SRCAP: variants seen among roughly 807,000 people sequenced by gnomAD.
SRCAP encodes the protein chromatin remodeling protein SRCAP.
SRCAP carries 46 observed loss-of-function variants against 263.1 expected under a neutral mutation model. The ratio of observed to expected loss-of-function variants is 0.17; its 90% confidence interval spans 0.14 to 0.22. The LOEUF (loss-of-function observed/expected upper bound fraction) is 0.22, where lower values mean the gene tolerates loss of function less well. SRCAP is among the 10% of genes least tolerant of loss of function. The probability of loss-of-function intolerance (pLI) is 1.00; values close to 1 mark genes in which losing one functional copy is unlikely to be tolerated. For missense variants in SRCAP, 3,695 were observed against 4,181.9 expected (o/e 0.88, Z 3.21); for synonymous variants, 1,813 against 1,662.1 (o/e 1.09, Z -2.21).
At chr16:30,707,136 G>A in intron 4 of SRCAP, 47 bp from the exon 5 acceptor site, 1 of 1,587,292 alleles carries the variant, frequency 6.3e-7, no homozygotes, top group Non-Finnish European at 8.6e-7. Context: ...GCAGTGAGAT[G>A]GAGTGTGTGT....
intron 5 of SRCAP, 53 bp from the exon 6 acceptor site, chr16:30,707,519 G>A (rs1467342287): frequency 1.2e-6 from 2 of 1,607,498 alleles, no homozygotes; most frequent in Non-Finnish European, 1.7e-6. Context: ...CTTTGCCTTT[G>A]GGTGGGGAAG....
intron 3 of SRCAP, among the ~76,000 whole-genome samples, chr16:30,701,621 C>T (rs893788999): frequency 6.6e-6 from 1 of 150,780 alleles, no homozygotes; most frequent in Non-Finnish European, 1.5e-5. Context: ...ACTTTGTTTT[C>T]CATTTTTTTC....
In SRCAP at chr16:30,734,504, C is replaced by T. The variant is rs763905022; in HGVS notation, c.6618C>T (p.Ile2206=). The change falls in exon 31 of 34, where the codon ATC becomes ATT. Residue 2206 remains isoleucine (I), a synonymous_variant. Transcript: ENST00000262518. The part of the protein sequence containing the change: ...FTTAYFKQQT[I]RELFDMPLEE... ...TCTGTTCTATCCGATAGCAGACCAT[C>T]CGAGAGCTGTTTGATATGCCCCTGG... 5.0e-6 allele frequency: 8 copies of T among 1,613,982 alleles called. No individual in the cohort carries two copies. Among genetic ancestry groups the T allele is most frequent in the African/African-American group, 1.3e-5 (1 of 75,008 alleles).
intron 16 of SRCAP, 68 bp from the exon 17 acceptor site, chr16:30,715,998 T>C (rs2052945263): frequency 6.2e-7 from 1 of 1,603,298 alleles, no homozygotes; most frequent in African/African-American, 1.3e-5. Flanking sequence ...TAGTGTTTGC[T>C]GAGGGGCTTA....
Position 30,736,284 on chromosome 16 carries a change from A to C in SRCAP, c.6814A>C (p.Asn2272His), listed in dbSNP as rs375872512. The C allele has an allele frequency of 5.6e-6, 9 of 1,614,144 alleles. No homozygotes were observed. The highest frequency in any genetic ancestry group is 7.6e-6 in the Non-Finnish European group (9 of 1,180,024). ...AEQVAELAEF[N>H]ENDGFPAGEG... ...ACAGGTGGCTGAGCTTGCAGAATTT[A>C]ATGAGAACGATGGGTTTCCTGCTGG... is the stretch of plus-strand genomic sequence containing the variant. The change falls in exon 32 of 34, where the codon AAT becomes CAT. Residue 2272 changes from asparagine to histidine, a missense_variant. Asn to His is a moderately conservative substitution (Grantham distance 68, BLOSUM62 1). This residue lies in a region of SRCAP where 91 missense variants were observed against 150.6 expected (regional missense o/e 0.60). Transcript: ENST00000262518.
chr16:30,738,563 C>T lies in SRCAP; in HGVS notation c.8523C>T (p.Pro2841=), dbSNP rs777257903. ...TGGGGGTGACTGGTGGTGGCAGCCC[C>T]GAGAATGGAGACGGAGCACTGCTCG... is the stretch of plus-strand genomic sequence containing the variant. ...IELGVTGGGS[P]ENGDGALLAI... The change falls in exon 34 of 34, where the codon CCC becomes CCT. Residue 2841 remains proline (P), a synonymous_variant. Transcript: ENST00000262518. The T allele has an allele frequency of 2.5e-6, 4 of 1,610,524 alleles. No homozygotes were observed. Among genetic ancestry groups the T allele is most frequent in the East Asian group, 2.2e-5 (1 of 44,854 alleles).
intron 8 of SRCAP, 103 bp from the exon 9 acceptor site, chr16:30,710,651 C>T (rs755523198): frequency 1.7e-6 from 2 of 1,189,256 alleles, no homozygotes; most frequent in South Asian, 1.2e-5. Flanking sequence ...GCAACTGTCA[C>T]TCAATGGGAC....
rs771560631 is a variant in SRCAP, at chr16:30,709,864, A to G, written c.870A>G (p.Gln290=). Residue 290 remains glutamine, a synonymous_variant, in exon 8 of 34, where the codon CAA becomes CAG. Coordinates refer to ENST00000262518, the MANE Select transcript of SRCAP (RefSeq NM_006662.3). ...CTCCTGCTATAGATGGGGACTTTCA[A>G]CCCCAAGAGGATGAGGAAGAGGATG... ...SRLDDEDGDF[Q]PQEDEEEDDE... 12 of 1,614,124 alleles carry G rather than the reference A, an allele frequency of 7.4e-6. No individual in the cohort carries two copies. Among genetic ancestry groups the G allele is most frequent in the East Asian group, 2.2e-5 (1 of 44,886 alleles).
rs142663480 is a variant in SRCAP, at chr16:30,713,550, T to C, written c.2332T>C (p.Leu778=). ...ACGCCTGCTCCTGACAGGAACTCCC[T>C]TGCAGAACAGCCTCATGGAGCTGTG... The part of the protein sequence containing the change: ...QRRLLLTGTP[L]QNSLMELWSL... The change falls in exon 16 of 34, where the codon TTG becomes CTG. Residue 778 remains leucine, a synonymous_variant. Coordinates refer to ENST00000262518, the MANE Select transcript of SRCAP (RefSeq NM_006662.3). 6 of 1,614,070 alleles carry C rather than the reference T, an allele frequency of 3.7e-6. No homozygotes were observed. The African/African-American group carries it at 8.0e-5, about 22-fold the overall frequency.
In SRCAP at chr16:30,723,124, C is replaced by G; in HGVS notation, c.4054C>G (p.Arg1352Gly). The G allele has an allele frequency of 6.2e-7, 1 of 1,614,076 alleles. No homozygotes were observed. Among genetic ancestry groups the G allele is most frequent in the Middle Eastern group, 1.6e-4 (1 of 6,062 alleles). Reference sequence around the variant, plus strand: ...TCCACGCCCCACGTTAACCCCTGGCCGGCTACCCACACCTACTCTGGGTAC... The same window carrying G: ...TCCACGCCCCACGTTAACCCCTGGCGGGCTACCCACACCTACTCTGGGTAC... ...LNPRPTLTPGRLPTPTLGTAR... is the reference protein window; with the variant it reads ...LNPRPTLTPGGLPTPTLGTAR... The change falls in exon 24 of 34, where the codon CGG becomes GGG. Residue 1352 changes from arginine (R) to glycine (G), a missense_variant. By Grantham distance (125) the Arg-to-Gly change is moderately radical (BLOSUM62 -2). Transcript: ENST00000262518.
chr16:30,739,336 G>A lies in SRCAP; in HGVS notation c.9296G>A (p.Ser3099Asn), dbSNP rs1363246714. The change falls in exon 34 of 34, where the codon AGC (serine) becomes AAC (asparagine). Residue 3099 changes from serine (S) to asparagine (N), a missense_variant. Ser to Asn is a conservative substitution (Grantham distance 46). This residue lies in a region of SRCAP where 1,207 missense variants were observed against 1,142.9 expected (regional missense o/e 1.06). Transcript: ENST00000262518. The stretch of plus-strand genomic sequence containing the variant: ...CAGGATGACCTGGACTTAGCAGATA[G>A]CGGGCCAGGCGGGTTGGAATTGACA... ...VIQDDLDLAD[S>N]GPGGLELTPP... 1 of 1,614,072 alleles carries A rather than the reference G, an allele frequency of 6.2e-7. No individual in the cohort carries two copies. Among genetic ancestry groups the A allele is most frequent in the Non-Finnish European group, 8.5e-7 (1 of 1,180,024 alleles).
intron 20 of SRCAP, 31 bp downstream of exon 20, chr16:30,721,009 T>C (rs1596653947): frequency 1.3e-6 from 2 of 1,572,056 alleles, no homozygotes; most frequent in Non-Finnish European, 8.6e-7. Context: ...GGATGATGCG[T>C]GGTGCTTCAG....
Position 30,710,858 on chromosome 16 carries a change from T to C in SRCAP, c.1228+11T>C. 1 of 1,614,046 alleles carries C rather than the reference T, an allele frequency of 6.2e-7. No homozygotes were observed. Among genetic ancestry groups the C allele is most frequent in the Non-Finnish European group, 8.5e-7 (1 of 1,179,928 alleles). On this transcript the variant is annotated intron_variant, in intron 9 of 33. Coordinates refer to ENST00000262518, the MANE Select transcript of SRCAP (RefSeq NM_006662.3). ...CCAACGAAGAGGAAGGTCAGGGCTG[T>C]TCGGTTTGTCCTATTGCCCCTTACC...
Position 30,705,417 on chromosome 16 carries a change from G to C in SRCAP, c.306+1102G>C, listed in dbSNP as rs2052815463. Among the ~76,000 whole-genome samples the C allele has an allele frequency of 2.6e-5, 4 of 151,890 alleles. No individual in the cohort carries two copies. In the South Asian group the frequency reaches 8.3e-4, roughly 32 times the overall value. ...TTTTATTTTATTTATTTATTTTGTT[G>C]AGACGGAGTCTCGCTCTGTCGCCCA... On this transcript the variant is annotated intron_variant, in intron 4 of 33. Coordinates refer to ENST00000262518, the MANE Select transcript of SRCAP (RefSeq NM_006662.3).
intron 21 of SRCAP, 108 bp downstream of exon 21, chr16:30,721,584 A>C (rs1199514615): frequency 1.4e-6 from 2 of 1,401,238 alleles, no homozygotes; most frequent in Non-Finnish European, 1.9e-6. Flanking sequence ...GCTCATGCCT[A>C]TAATCCCGGT....
intron 3 of SRCAP, chr16:30,701,579 G>T (rs1318979558): frequency 6.6e-6 from 1 of 151,682 alleles, no homozygotes; most frequent in Non-Finnish European, 1.5e-5. Context: ...GAGTGAATTT[G>T]TGAATTCCCT....
At chr16:30,735,853 A>G (rs940796716) in intron 31 of SRCAP, among the ~76,000 whole-genome samples, 5 of 150,990 alleles carry the variant, frequency 3.3e-5, no homozygotes, top group Non-Finnish European at 7.4e-5. Flanking sequence ...TGCTGCAATT[A>G]TAGGATTGAG....
At chr16:30,721,533 A>T (rs2053011998) in intron 21 of SRCAP, 57 bp downstream of exon 21, 1 of 1,562,648 alleles carries the variant, frequency 6.4e-7, no homozygotes, top group Non-Finnish European at 8.6e-7. Context: ...GCTCAGGACC[A>T]TGAGAGCATC....
chr16:30,705,463 A>C (rs2052816100), intron 4 of SRCAP, among the ~76,000 whole-genome samples: 1 of 151,976 alleles, frequency 6.6e-6, no homozygotes, highest in Admixed American at 6.6e-5. Context: ...CAGTGGCAGA[A>C]TTTTGGCTCA....
Sources: gnomAD v4.1 joint callset for allele counts (sites outside exome capture counted in the v4.1 genomes callset) on GRCh38, gnomAD v4.1.1 for gene constraint, gnomAD v4.1.1 regional missense constraint, MANE v1.5 for transcripts, NCBI Gene and HGNC (gene_info 2026-07-23, HGNC 2026-07-21) for gene names.